The following BARX2 variants were observed in gnomAD, a reference collection of about 807,000 sequenced individuals.
BARX2 encodes the protein BARX homeobox 2, also known as homeobox protein BarH-like 2.
Under a neutral mutation model 25.5 loss-of-function variants are expected in BARX2, and 11 were observed. The ratio of observed to expected loss-of-function variants is 0.43; its 90% confidence interval spans 0.27 to 0.71. BARX2 has a LOEUF of 0.71. Among genes scored for constraint, BARX2 ranks in the 30% least tolerant of loss-of-function variants. The pLI, the probability that BARX2 is intolerant of heterozygous loss-of-function variation, is 0.19. For missense variants in BARX2, 360 were observed against 359.9 expected (o/e 1.00, Z 0.00); for synonymous variants, 137 against 149.5 (o/e 0.92, Z 0.61).
chr11:129,408,020 C>CAAAAA (rs59310534), intron 1 of BARX2, among the ~76,000 whole-genome samples: 2 of 46,482 alleles, frequency 4.3e-5, no homozygotes, highest in African/African-American at 7.8e-5. Context: ...GACTCCGTCT[C>CAAAAA]AAAAAAAAAA....
intron 1 of BARX2, among the ~76,000 whole-genome samples, chr11:129,377,757 G>A (rs187672828): frequency 1.6e-4 from 25 of 152,296 alleles, no homozygotes; most frequent in African/African-American, 4.8e-4. Flanking sequence ...TTAACATTGC[G>A]TATGGGACAT....
chr11:129,431,984 A>ATTTATT (rs145068949), intron 1 of BARX2, among the ~76,000 whole-genome samples: 3 of 150,628 alleles, frequency 2.0e-5, no homozygotes, highest in South Asian at 4.2e-4. Flanking sequence ...TTATTATTTT[A>ATTTATT]TTTATTTTTA....
chr11:129,378,352 C>T (rs1191872639), intron 1 of BARX2, among the ~76,000 whole-genome samples: 1 of 152,140 alleles, frequency 6.6e-6, no homozygotes, highest in Non-Finnish European at 1.5e-5. Context: ...TAAAGCCTTA[C>T]ATGTATTAGA....
At chr11:129,434,443 A>C (rs1271067177) in intron 1 of BARX2, among the ~76,000 whole-genome samples, 1 of 139,554 alleles carries the variant, frequency 7.2e-6, no homozygotes, top group Non-Finnish European at 1.6e-5. Flanking sequence ...AAAAAAAAAA[A>C]AAACAGAGAC....
chr11:129,412,746 C>G (rs1218111135), intron 1 of BARX2, among the ~76,000 whole-genome samples: 1 of 152,204 alleles, frequency 6.6e-6, no homozygotes, highest in Non-Finnish European at 1.5e-5. Context: ...TTATGGAAAG[C>G]TGCTTCTGTC....
In BARX2 at chr11:129,436,603, T is replaced by TA; in HGVS notation, c.188-147dup. On this transcript the variant is annotated intron_variant, in intron 1 of 3. Transcript: ENST00000281437. This position sits in a 1 kb window ranked among gnomAD's most constrained non-coding sequence, Gnocchi z 4.5. Reference sequence around the variant, plus strand: ...TGCCCTGCAGCTGTAGGTCTTGAGTTACCTCTCCTTCCCCTTCCTCCATCT... The same window carrying TA: ...TGCCCTGCAGCTGTAGGTCTTGAGTTAACCTCTCCTTCCCCTTCCTCCATCT... 5 of 862,128 alleles carry TA rather than the reference T, an allele frequency of 5.8e-6. No homozygotes were observed. The highest frequency in any genetic ancestry group is 8.8e-6 in the Non-Finnish European group (5 of 567,548). 53.4% of individuals were successfully genotyped at this position (862,128 alleles called of 1,614,324 possible).
chr11:129,392,213 T>A (rs1203260966), intron 1 of BARX2, among the ~76,000 whole-genome samples: 1 of 152,214 alleles, frequency 6.6e-6, no homozygotes, highest in Non-Finnish European at 1.5e-5. Context: ...AGGGTGAGGC[T>A]TTGCGTCTCC....
chr11:129,447,850 A>T (rs1299483076), intron 3 of BARX2, among the ~76,000 whole-genome samples: 1 of 152,156 alleles, frequency 6.6e-6, no homozygotes, highest in Non-Finnish European at 1.5e-5. Context: ...AACCTCTTTC[A>T]TACTGAGTGG....
rs1565506367 is a variant in BARX2 at position 129,376,231 on chromosome 11, C to T, written c.187+9C>T. ...CCTGCATTCCTGTACGGGTAAGACG[C>T]TCCGCTAGGGGATAAGTGGGGTTCG... On this transcript the variant is annotated intron_variant, in intron 1 of 3. Coordinates refer to ENST00000281437, the MANE Select transcript of BARX2 (RefSeq NM_003658.5). This position sits in a 1 kb window ranked among gnomAD's most constrained non-coding sequence, Gnocchi z 4.2. 6.3e-7 allele frequency: 1 copy of T among 1,594,534 alleles called. No homozygotes were observed. Among genetic ancestry groups the T allele is most frequent in the Non-Finnish European group, 8.5e-7 (1 of 1,170,572 alleles).
chr11:129,404,323 C>T (rs946841913), intron 1 of BARX2, among the ~76,000 whole-genome samples: 22 of 152,242 alleles, frequency 1.4e-4, no homozygotes, highest in South Asian at 2.1e-4. Flanking sequence ...CTGTCTCATG[C>T]GCCAACCAAA....
intron 1 of BARX2, among the ~76,000 whole-genome samples, chr11:129,419,252 A>T (rs1469148510): frequency 6.6e-6 from 1 of 152,216 alleles, no homozygotes; most frequent in Non-Finnish European, 1.5e-5. Context: ...TTCAATGTTT[A>T]TGTAGTTCAT....
chr11:129,377,537 T>A (rs944747342), intron 1 of BARX2, among the ~76,000 whole-genome samples: 1 of 152,170 alleles, frequency 6.6e-6, no homozygotes, highest in Non-Finnish European at 1.5e-5. Flanking sequence ...CCAAGAAATA[T>A]ATGAAACAAG....
At chr11:129,397,878 G>C (rs916501965) in intron 1 of BARX2, among the ~76,000 whole-genome samples, 3 of 152,250 alleles carry the variant, frequency 2.0e-5, no homozygotes, top group Admixed American at 6.5e-5. Context: ...TGATCTAGCA[G>C]AGGCAGAACA....
rs1002801079 is a variant in BARX2 at position 129,380,096 on chromosome 11, A to G, written c.187+3874A>G. Reference sequence around the variant, plus strand: ...GCCAGGGTCACGTCAGTGCTTCGTTATAGTTTCAGTCCACTGTATGCCACT... The same window carrying G: ...GCCAGGGTCACGTCAGTGCTTCGTTGTAGTTTCAGTCCACTGTATGCCACT... On this transcript the variant is annotated intron_variant, in intron 1 of 3. Transcript: ENST00000281437. Among the ~76,000 whole-genome samples the G allele has an allele frequency of 6.6e-5, 10 of 151,888 alleles. No homozygotes were observed. In the South Asian group the frequency reaches 2.1e-3, roughly 32 times the overall value.
chr11:129,451,176 G>T lies in BARX2; in HGVS notation c.614G>T (p.Gly205Val). 6.2e-7 allele frequency: 1 copy of T among 1,614,066 alleles called. No homozygotes were observed. The highest frequency in any genetic ancestry group is 8.5e-7 in the Non-Finnish European group (1 of 1,180,014). ...CAGGAAGCACCCACAAAACCCAAAGGTCGCCCCAAGAAGAACTCCATCCCC... is the reference window on the plus strand; with the variant it reads ...CAGGAAGCACCCACAAAACCCAAAGTTCGCCCCAAGAAGAACTCCATCCCC... ...GGQEAPTKPK[G>V]RPKKNSIPTS... Residue 205 changes from glycine (G) to valine (V), a missense_variant, in exon 4 of 4, where the codon GGT (glycine) becomes GTT (valine). Around this residue, in one of 3 missense-constraint regions of BARX2, gnomAD observed 114 missense variants for 109.4 expected, o/e 1.04. Coordinates refer to ENST00000281437, the MANE Select transcript of BARX2 (RefSeq NM_003658.5).
chr11:129,409,338 G>A (rs773861471), intron 1 of BARX2, among the ~76,000 whole-genome samples: 4 of 152,088 alleles, frequency 2.6e-5, no homozygotes, highest in Non-Finnish European at 5.9e-5. Flanking sequence ...CTTGCTTTTA[G>A]TGAATTCTTC....
chr11:129,417,132 A>T (rs1861952983), intron 1 of BARX2, among the ~76,000 whole-genome samples: 1 of 151,954 alleles, frequency 6.6e-6, no homozygotes, highest in Admixed American at 6.6e-5. Flanking sequence ...CGAACTCCTG[A>T]CCTCGTGATC....
At chr11:129,385,972 C>T (rs181699127) in intron 1 of BARX2, among the ~76,000 whole-genome samples, 162 of 152,330 alleles carry the variant, frequency 1.1e-3, no homozygotes, top group Admixed American at 2.4e-3. Flanking sequence ...ACTGAGAACA[C>T]TTTATAACTA....
intron 1 of BARX2, among the ~76,000 whole-genome samples, chr11:129,428,912 G>C (rs759210241): frequency 2.0e-5 from 3 of 152,154 alleles, no homozygotes; most frequent in Non-Finnish European, 2.9e-5. Flanking sequence ...TCTTAGAGCG[G>C]AATTTGCATC....
Sources: gnomAD v4.1 joint callset for allele counts (sites outside exome capture counted in the v4.1 genomes callset) on GRCh38, gnomAD v4.1.1 for gene constraint, gnomAD v4.1.1 regional missense constraint, Gnocchi (gnomAD v3.1) non-coding constraint, MANE v1.5 for transcripts, NCBI Gene and HGNC (gene_info 2026-07-23, HGNC 2026-07-21) for gene names.